The following DOK6 variants were observed in gnomAD, a reference collection of about 807,000 sequenced individuals.
DOK6 encodes the protein downstream of tyrosine kinase 6.
Under a neutral mutation model 44.0 loss-of-function variants are expected in DOK6, and 22 were observed. That is an observed-to-expected ratio of 0.50 (90% CI 0.36 to 0.71). The LOEUF (loss-of-function observed/expected upper bound fraction) is 0.71, where lower values mean the gene tolerates loss of function less well. Ranked by LOEUF, DOK6 falls within the 30% of genes least tolerant of loss-of-function variation. The probability of loss-of-function intolerance (pLI) is 0.00; values close to 1 mark genes in which losing one functional copy is unlikely to be tolerated. For synonymous variants in DOK6, 166 were observed against 145.5 expected, an observed-to-expected ratio of 1.14 and a Z score of -1.01; for missense variants, 340 against 416.4, an observed-to-expected ratio of 0.82 and a Z score of 1.60.
chr18:69,483,150 G>A (rs971023509), intron 1 of DOK6, among the ~76,000 whole-genome samples: 3 of 151,726 alleles, frequency 2.0e-5, no homozygotes, highest in Non-Finnish European at 4.4e-5. Context: ...TTTGTTTCCT[G>A]TTCCTGTGTT....
intron 4 of DOK6, among the ~76,000 whole-genome samples, chr18:69,691,071 G>A (rs1462639712): frequency 6.6e-6 from 1 of 151,914 alleles, no homozygotes; most frequent in Non-Finnish European, 1.5e-5. Flanking sequence ...TGTAATCCCA[G>A]CTACTCTGGA....
intron 1 of DOK6, among the ~76,000 whole-genome samples, chr18:69,489,331 C>T (rs1445615910): frequency 1.3e-5 from 2 of 152,170 alleles, no homozygotes; most frequent in African/African-American, 4.8e-5. Context: ...TAGGGATAAA[C>T]AGTCCACTTC....
intron 4 of DOK6, among the ~76,000 whole-genome samples, chr18:69,692,030 G>T (rs1308105936): frequency 6.6e-6 from 1 of 152,124 alleles, no homozygotes; most frequent in Non-Finnish European, 1.5e-5. Flanking sequence ...TAACTATTTA[G>T]AAGGAATTTA....
intron 3 of DOK6, among the ~76,000 whole-genome samples, chr18:69,622,029 G>T (rs1289287116): frequency 6.6e-6 from 1 of 152,152 alleles, no homozygotes; most frequent in Non-Finnish European, 1.5e-5. Flanking sequence ...TATAGTAACA[G>T]ATTTTATGTT....
intron 1 of DOK6, among the ~76,000 whole-genome samples, chr18:69,528,210 T>A (rs1045411323): frequency 6.6e-5 from 10 of 150,636 alleles, no homozygotes; most frequent in African/African-American, 2.2e-4. Flanking sequence ...GAAACTAAGA[T>A]GCATAGCGTT....
chr18:69,466,066 A>G (rs1307946493), intron 1 of DOK6, among the ~76,000 whole-genome samples: 2 of 152,156 alleles, frequency 1.3e-5, no homozygotes, highest in Admixed American at 6.5e-5. Flanking sequence ...GTAAGTATAC[A>G]TTATTATTAA....
At chr18:69,828,759 C>G (rs1283558101) in intron 7 of DOK6, among the ~76,000 whole-genome samples, 1 of 150,390 alleles carries the variant, frequency 6.6e-6, no homozygotes, top group Non-Finnish European at 1.5e-5. Flanking sequence ...TTTTCCCACT[C>G]AAATATTTCT....
At chr18:69,584,187 C>T (rs1432877550) in intron 2 of DOK6, among the ~76,000 whole-genome samples, 3 of 151,192 alleles carry the variant, frequency 2.0e-5, no homozygotes, top group Admixed American at 1.3e-4. Flanking sequence ...CAGTATCAAA[C>T]GAATTTAGTA....
At chr18:69,418,449 T>C (rs906229102) in intron 1 of DOK6, among the ~76,000 whole-genome samples, 2 of 152,116 alleles carry the variant, frequency 1.3e-5, no homozygotes, top group African/African-American at 4.8e-5. Flanking sequence ...GTAGAATTTA[T>C]ATTTAAATAT....
intron 4 of DOK6, among the ~76,000 whole-genome samples, chr18:69,682,416 G>T (rs972935809): frequency 6.6e-6 from 1 of 152,208 alleles, no homozygotes; most frequent in African/African-American, 2.4e-5. Context: ...GTTGGGCTGA[G>T]TTAGACTGGG....
chr18:69,669,946 A>C (rs562989099), intron 3 of DOK6, among the ~76,000 whole-genome samples: 1 of 152,206 alleles, frequency 6.6e-6, no homozygotes, highest in Non-Finnish European at 1.5e-5. Flanking sequence ...TTTATTACTG[A>C]CATAACAAAT....
intron 2 of DOK6, among the ~76,000 whole-genome samples, chr18:69,579,804 G>C (rs921580907): frequency 2.0e-5 from 3 of 151,994 alleles, no homozygotes; most frequent in Non-Finnish European, 2.9e-5. Flanking sequence ...GGATGGTCTC[G>C]ATCTCCTAAC....
intron 5 of DOK6, among the ~76,000 whole-genome samples, chr18:69,711,212 C>T (rs75965292): frequency 0.016 from 2,445 of 152,266 alleles, 62 homozygotes; most frequent in African/African-American, 0.055. Flanking sequence ...GATATGCTTT[C>T]CCTCAGACCT....
At position 69,541,491 on chromosome 18, in the gene DOK6, A is replaced by G. The variant is rs775274984; in HGVS notation, c.67-22996A>G. Among the ~76,000 whole-genome samples the G allele has an allele frequency of 2.0e-5, 3 of 151,498 alleles. 1 individual carries two copies. Among genetic ancestry groups the G allele is most frequent in the Non-Finnish European group, 4.4e-5 (3 of 67,712 alleles). ...TCATTTATGAGAGATATTTTATTGGAGATAGGTATGAAAGTGTTATTAATG... is the reference window on the plus strand; with the variant it reads ...TCATTTATGAGAGATATTTTATTGGGGATAGGTATGAAAGTGTTATTAATG... On this transcript the variant is annotated intron_variant, in intron 1 of 7. Coordinates refer to ENST00000382713, the MANE Select transcript of DOK6 (RefSeq NM_152721.6).
intron 5 of DOK6, among the ~76,000 whole-genome samples, chr18:69,720,714 C>G (rs1212572260): frequency 2.6e-5 from 4 of 151,914 alleles, no homozygotes; most frequent in African/African-American, 9.7e-5. Context: ...TAATTTTGTC[C>G]CCTTAAAATA....
At chr18:69,750,318 G>C (rs1004306774) in intron 6 of DOK6, among the ~76,000 whole-genome samples, 1 of 151,882 alleles carries the variant, frequency 6.6e-6, no homozygotes, top group African/African-American at 2.4e-5. Context: ...AGCTAAGGAG[G>C]GGAAATGTAA....
chr18:69,494,413 T>C (rs905494415), intron 1 of DOK6, among the ~76,000 whole-genome samples: 3 of 152,066 alleles, frequency 2.0e-5, no homozygotes, highest in Admixed American at 2.0e-4. Flanking sequence ...GAGACAGAGG[T>C]TGCAGTGAGC....
In DOK6 at chr18:69,843,580, G is replaced by C. The variant is rs1982283115; in HGVS notation, c.*2197G>C. 6.6e-6 allele frequency: 1 copy of C among 152,228 alleles called. No individual in the cohort carries two copies. The highest frequency in any genetic ancestry group is 1.5e-5 in the Non-Finnish European group (1 of 68,050). The allele number at this position is 152,228 out of a possible 1,614,324, so 9.4% of individuals were successfully genotyped here. ...GCTGGAAGCACAAACAGCGAGTCCA[G>C]GGAGGGATTCTGCTAATCAGATGAG... is the stretch of plus-strand genomic sequence containing the variant. On this transcript the variant is annotated 3_prime_UTR_variant, in exon 8 of 8. Transcript: ENST00000382713.
chr18:69,754,179 A>G (rs1056360953), intron 6 of DOK6, among the ~76,000 whole-genome samples: 3 of 152,016 alleles, frequency 2.0e-5, no homozygotes, highest in African/African-American at 4.8e-5. Context: ...TAAATAGTTA[A>G]GGATGTGTGT....
Sources: gnomAD v4.1 joint callset for allele counts (sites outside exome capture counted in the v4.1 genomes callset) on GRCh38, gnomAD v4.1.1 for gene constraint, MANE v1.5 for transcripts, NCBI Gene and HGNC (gene_info 2026-07-23, HGNC 2026-07-21) for gene names.